Variants in FUT8 observed in about 807,000 individuals in gnomAD.
FUT8 encodes the protein alpha-(1,6)-fucosyltransferase.
In FUT8, 29 loss-of-function variants were observed where a neutral mutation model predicts 71.3. That is an observed-to-expected ratio of 0.41 (90% confidence interval 0.30 to 0.55). FUT8 has a LOEUF of 0.55. Ranked by LOEUF, FUT8 falls within the 20% of genes least tolerant of loss-of-function variation. The probability of loss-of-function intolerance (pLI) is 0.34; values close to 1 mark genes in which losing one functional copy is unlikely to be tolerated. For synonymous variants in FUT8, 254 were observed against 239.3 expected, an observed-to-expected ratio of 1.06 and a Z score of -0.57; for missense variants, 544 against 702.1, an observed-to-expected ratio of 0.77 and a Z score of 2.55.
At chr14:65,470,782 G>A (rs1158883989) in intron 2 of FUT8, among the ~76,000 whole-genome samples, 1 of 151,978 alleles carries the variant, frequency 6.6e-6, no homozygotes, top group African/African-American at 2.4e-5. Context: ...GGTCCCTGAA[G>A]TGGGCACCGC....
chr14:65,480,299 A>ATTTTT (rs5809276), intron 2 of FUT8, among the ~76,000 whole-genome samples: 2 of 96,978 alleles, frequency 2.1e-5, no homozygotes, highest in African/African-American at 3.8e-5. Context: ...ATGAACTGTG[A>ATTTTT]TTTTTTTTTT....
At chr14:65,558,992 G>T (rs1311663060) in intron 2 of FUT8, among the ~76,000 whole-genome samples, 2 of 151,954 alleles carry the variant, frequency 1.3e-5, no homozygotes, top group African/African-American at 4.8e-5. Flanking sequence ...GATATTTTTG[G>T]TAATGGTTTA....
intron 7 of FUT8, among the ~76,000 whole-genome samples, chr14:65,712,860 G>A (rs1594926695): frequency 6.6e-6 from 1 of 152,258 alleles, no homozygotes; most frequent in South Asian, 2.1e-4. Context: ...AATCACATCA[G>A]GGTAAATGGG....
intron 7 of FUT8, among the ~76,000 whole-genome samples, chr14:65,713,225 A>C (rs1207490112): frequency 6.6e-6 from 1 of 152,226 alleles, no homozygotes; most frequent in East Asian, 1.9e-4. Context: ...TGTTGTTGCA[A>C]ATGACAGGGT....
chr14:65,718,600 T>C (rs962961979), intron 7 of FUT8, among the ~76,000 whole-genome samples: 9 of 152,216 alleles, frequency 5.9e-5, no homozygotes, highest in Non-Finnish European at 1.0e-4. Flanking sequence ...CATTAACACC[T>C]TTTTTCCTTC....
At chr14:65,527,127 A>C (rs1000681080) in intron 2 of FUT8, among the ~76,000 whole-genome samples, 2 of 152,110 alleles carry the variant, frequency 1.3e-5, no homozygotes, top group Non-Finnish European at 2.9e-5. Context: ...TAGGTTGGGG[A>C]AGTTCTCCTG....
chr14:65,460,036 T>C (rs901107260), intron 2 of FUT8, among the ~76,000 whole-genome samples: 2 of 152,232 alleles, frequency 1.3e-5, no homozygotes, highest in Non-Finnish European at 2.9e-5. Context: ...GGTTTTAGTT[T>C]ATACAGATTT....
chr14:65,664,178 A>G (rs1948976961), intron 6 of FUT8, among the ~76,000 whole-genome samples: 1 of 152,136 alleles, frequency 6.6e-6, no homozygotes, highest in South Asian at 2.1e-4. Flanking sequence ...TCTCATGAAA[A>G]TCTGACAAAT....
At chr14:65,368,197 G>A in the FUT8 span, among the ~76,000 whole-genome samples, 1 of 151,608 alleles carries the variant, frequency 6.6e-6, no homozygotes, top group South Asian at 2.1e-4. Flanking sequence ...GGGACTACAG[G>A]CATGTGCCAC....
intron 6 of FUT8, among the ~76,000 whole-genome samples, chr14:65,668,168 G>A (rs1180988935): frequency 1.3e-5 from 2 of 152,226 alleles, no homozygotes; most frequent in Non-Finnish European, 2.9e-5. Flanking sequence ...CCCTGGCAAA[G>A]ATTGCATGAT....
intron 2 of FUT8, among the ~76,000 whole-genome samples, chr14:65,465,683 G>C (rs1300602237): frequency 6.6e-6 from 1 of 152,066 alleles, no homozygotes; most frequent in Non-Finnish European, 1.5e-5. Flanking sequence ...AATTTGTTAA[G>C]GTATATTTTG....
intron 6 of FUT8, among the ~76,000 whole-genome samples, chr14:65,648,440 AT>A (rs1215720802): frequency 4.6e-5 from 7 of 151,466 alleles, no homozygotes; most frequent in Admixed American, 4.6e-4. Flanking sequence ...ATTTTTTTCC[AT>A]TTTTGAGGCT....
chr14:65,536,116 A>G (rs1310828009), intron 2 of FUT8, among the ~76,000 whole-genome samples: 7 of 151,532 alleles, frequency 4.6e-5, no homozygotes, highest in African/African-American at 1.2e-4. Context: ...ATTTTTCTCC[A>G]TCTCTTTATT....
intron 3 of FUT8, among the ~76,000 whole-genome samples, chr14:65,565,455 A>AG (rs1160719271): frequency 6.6e-6 from 1 of 151,952 alleles, no homozygotes; most frequent in Non-Finnish European, 1.5e-5. Context: ...TTGTGAACAA[A>AG]GTCACTATTA....
intron 6 of FUT8, among the ~76,000 whole-genome samples, chr14:65,647,123 C>T (rs1891157489): frequency 6.6e-6 from 1 of 152,120 alleles, no homozygotes; most frequent in African/African-American, 2.4e-5. Context: ...AAAATTGTGA[C>T]ATTCTAGTCA....
At chr14:65,442,072 G>C (rs2065667538) in intron 1 of FUT8, among the ~76,000 whole-genome samples, 2 of 151,840 alleles carry the variant, frequency 1.3e-5, no homozygotes, top group Non-Finnish European at 2.9e-5. Context: ...TTTTCAAAGG[G>C]CTCCCAGATT....
chr14:65,686,032 C>T (rs914884261), intron 7 of FUT8, among the ~76,000 whole-genome samples: 2 of 152,204 alleles, frequency 1.3e-5, no homozygotes, highest in African/African-American at 2.4e-5. Flanking sequence ...TCATTTTACC[C>T]AGCCCCTATT....
intron 7 of FUT8, among the ~76,000 whole-genome samples, chr14:65,717,214 C>T (rs1895141210): frequency 7.1e-6 from 1 of 140,282 alleles, no homozygotes; most frequent in African/African-American, 2.7e-5. Context: ...CTCCTCACCT[C>T]CCAGACGGGG....
At chr14:65,379,750 G>A in the FUT8 span, among the ~76,000 whole-genome samples, 1 of 152,256 alleles carries the variant, frequency 6.6e-6, no homozygotes, top group South Asian at 2.1e-4. Context: ...ACTGAGTAAT[G>A]TATAAACAAT....
Sources: gnomAD v4.1 joint callset for allele counts (sites outside exome capture counted in the v4.1 genomes callset) on GRCh38, gnomAD v4.1.1 for gene constraint, MANE v1.5 for transcripts, NCBI Gene and HGNC (gene_info 2026-07-23, HGNC 2026-07-21) for gene names.